ARID1B: variants seen among roughly 807,000 people sequenced by gnomAD.
The protein encoded by ARID1B is AT-rich interactive domain-containing protein 1B.
A neutral mutation model predicts 212.3 loss-of-function variants in ARID1B; 30 were observed. That is an observed-to-expected ratio of 0.14 (90% CI 0.11 to 0.19). The LOEUF is 0.19. Among genes scored for constraint, ARID1B ranks in the 10% least tolerant of loss-of-function variants. ARID1B has a pLI of 1.00. For synonymous variants in ARID1B, 1,402 were observed against 1,301.7 expected (o/e 1.08, Z -1.66); for missense variants, 2,891 against 3,204.0 (o/e 0.90, Z 2.36).
intron 4 of ARID1B, among the ~76,000 whole-genome samples, chr6:156,957,499 A>G (rs1184271431): frequency 6.6e-6 from 1 of 152,138 alleles, no homozygotes; most frequent in African/African-American, 2.4e-5. Flanking sequence ...GTGCAGGCTT[A>G]AGAAGCTGGA....
chr6:157,185,626 A>G (rs1792921291), intron 13 of ARID1B: 1 of 152,250 alleles, frequency 6.6e-6, no homozygotes, highest in South Asian at 2.1e-4. Flanking sequence ...GCTACAGTAT[A>G]CACGATACCC....
intron 3 of ARID1B, among the ~76,000 whole-genome samples, chr6:156,918,883 T>G (rs1261474851): frequency 3.3e-5 from 5 of 152,162 alleles, no homozygotes. Context: ...CCTCTCTCTG[T>G]TCCCTTTTTC....
intron 6 of ARID1B, among the ~76,000 whole-genome samples, chr6:157,119,050 T>C (rs962072241): frequency 3.3e-5 from 5 of 152,214 alleles, no homozygotes; most frequent in Non-Finnish European, 7.3e-5. Context: ...TCTGTCTCAG[T>C]GAAAAACCGT....
At chr6:157,172,281 A>G (rs544331569) in intron 9 of ARID1B, among the ~76,000 whole-genome samples, 2 of 152,302 alleles carry the variant, frequency 1.3e-5, no homozygotes, top group African/African-American at 4.8e-5. Flanking sequence ...GCGGTGTAAT[A>G]TCTCTCAGCT....
intron 11 of ARID1B, chr6:157,175,592 G>A (rs1311380933): frequency 6.6e-6 from 1 of 152,180 alleles, no homozygotes; most frequent in Non-Finnish European, 1.5e-5. Flanking sequence ...TTAATAATGT[G>A]TACCTATGTT....
At chr6:156,813,631 C>T (rs1168317393) in intron 1 of ARID1B, among the ~76,000 whole-genome samples, 1 of 152,134 alleles carries the variant, frequency 6.6e-6, no homozygotes, top group African/African-American at 2.4e-5. Context: ...TCTGTCTTCC[C>T]TTTATATGAT....
rs1354006177 is a variant in ARID1B at position 156,818,017 on chromosome 6, C to G, written c.1792-11210C>G. On this transcript the variant is annotated intron_variant, in intron 1 of 19. Coordinates refer to ENST00000636930, the MANE Select transcript of ARID1B (RefSeq NM_001374828.1). ...TCTACATTCTAATTTTGTCTGTTGT[C>G]CTAATAGCATCTATATAGCAATCTT... is the stretch of plus-strand genomic sequence containing the variant. Among the ~76,000 whole-genome samples, 3 of 150,988 alleles carry G rather than the reference C, an allele frequency of 2.0e-5. No homozygotes were observed. In the East Asian group the frequency reaches 5.8e-4, roughly 29 times the overall value.
chr6:156,803,617 C>T (rs1417722679), intron 1 of ARID1B, among the ~76,000 whole-genome samples: 1 of 150,046 alleles, frequency 6.7e-6, no homozygotes, highest in East Asian at 1.9e-4. Flanking sequence ...TTCTTGCTTT[C>T]ATTTTATCTT....
intron 6 of ARID1B, among the ~76,000 whole-genome samples, chr6:157,127,783 CAAAAAAAA>C (rs61172896): frequency 5.3e-5 from 3 of 56,792 alleles, no homozygotes; most frequent in Non-Finnish European, 7.1e-5. Context: ...GACTCTGTCT[CAAAAAAAA>C]AAAAAAAAAA....
chr6:157,157,795 G>A (rs1790670953), intron 8 of ARID1B, among the ~76,000 whole-genome samples: 1 of 152,220 alleles, frequency 6.6e-6, no homozygotes, highest in Non-Finnish European at 1.5e-5. Context: ...TGCCAAGGTA[G>A]GAGAATTGCT....
chr6:156,785,715 G>C (rs936300228), intron 1 of ARID1B, among the ~76,000 whole-genome samples: 1 of 151,992 alleles, frequency 6.6e-6, no homozygotes, highest in Non-Finnish European at 1.5e-5. Flanking sequence ...TTTTAAAATT[G>C]TTAGCTGCTA....
intron 7 of ARID1B, among the ~76,000 whole-genome samples, chr6:157,142,128 G>A (rs555199429): frequency 2.0e-5 from 3 of 152,328 alleles, no homozygotes; most frequent in Admixed American, 2.0e-4. Flanking sequence ...CCTATACTGT[G>A]TGACTCCATG....
chr6:156,793,550 G>T (rs1422181087), intron 1 of ARID1B, among the ~76,000 whole-genome samples: 3 of 152,122 alleles, frequency 2.0e-5, no homozygotes, highest in Non-Finnish European at 2.9e-5. Flanking sequence ...TGCCCGGGCT[G>T]GTCTTGGACT....
At chr6:156,800,233 A>G (rs1780680839) in intron 1 of ARID1B, among the ~76,000 whole-genome samples, 1 of 152,196 alleles carries the variant, frequency 6.6e-6, no homozygotes, top group Non-Finnish European at 1.5e-5. Flanking sequence ...TTAAAAGTAT[A>G]CTCTGAAATG....
chr6:157,148,696 G>A lies in ARID1B; in HGVS notation c.2834G>A (p.Gly945Asp), dbSNP rs1789975143. 1 of 1,612,988 alleles carries A rather than the reference G, an allele frequency of 6.2e-7. No individual in the cohort carries two copies. The highest frequency in any genetic ancestry group is 8.5e-7 in the Non-Finnish European group (1 of 1,179,836). Reference sequence around the variant, plus strand: ...TACAGCGGCCCAGGGCCCGGTATGGGTATCAGTGCCAACAACCAGATGCAT... The same window carrying A: ...TACAGCGGCCCAGGGCCCGGTATGGATATCAGTGCCAACAACCAGATGCAT... ...ASYSGPGPGM[G>D]ISANNQMHGQ... The change falls in exon 8 of 20, where the codon GGT becomes GAT. Residue 945 changes from glycine to aspartate, a missense_variant. Gly to Asp is a moderately conservative substitution (Grantham distance 94). This residue lies in a region of ARID1B where 1,643 missense variants were observed against 1,544.0 expected (regional missense o/e 1.06). Transcript: ENST00000636930. The surrounding 1 kb of genome is among the most constrained non-coding windows in gnomAD (Gnocchi z 5.6).
In ARID1B at chr6:157,168,792, T is replaced by A. The variant is rs572405645; in HGVS notation, c.3235+1607T>A. 8 of 152,380 alleles carry A rather than the reference T, an allele frequency of 5.3e-5. No homozygotes were observed. The South Asian group carries it at 1.7e-3, about 32-fold the overall frequency. 9.4% of individuals were successfully genotyped at this position (152,380 alleles called of 1,614,324 possible). On this transcript the variant is annotated intron_variant, in intron 9 of 19. Transcript: ENST00000636930. ...GTTATTCCGTACAGAGGAAATCTGT[T>A]CAGTGAAAGGCCGTCCATCCTCACG...
At chr6:156,905,307 T>C (rs1789287947) in intron 3 of ARID1B, among the ~76,000 whole-genome samples, 2 of 148,894 alleles carry the variant, frequency 1.3e-5, no homozygotes, top group Non-Finnish European at 3.0e-5. Context: ...AATTGGCTCA[T>C]ATGCTTATGG....
At chr6:157,023,540 A>G (rs1780460279) in intron 4 of ARID1B, 1 of 152,242 alleles carries the variant, frequency 6.6e-6, no homozygotes. Context: ...ATTTCTCCCC[A>G]TCGTCGTGGC....
At chr6:156,988,793 T>C (rs1186740954) in intron 4 of ARID1B, among the ~76,000 whole-genome samples, 1 of 152,234 alleles carries the variant, frequency 6.6e-6, no homozygotes, top group Non-Finnish European at 1.5e-5. Context: ...TGCGTTTTAC[T>C]GCCTTCTTCC....
Sources: allele counts gnomAD v4.1 joint callset (sites outside exome capture counted in the v4.1 genomes callset), GRCh38; gene constraint gnomAD v4.1.1; regional missense constraint gnomAD v4.1.1; non-coding constraint Gnocchi (gnomAD v3.1); transcripts MANE v1.5; gene names NCBI Gene and HGNC (gene_info 2026-07-23, HGNC 2026-07-21).